MGAT5: variants seen among roughly 807,000 people sequenced by gnomAD.
MGAT5 encodes the protein alpha-1,6-mannosylglycoprotein 6-beta-N-acetylglucosaminyltransferase.
Under a neutral mutation model 94.3 loss-of-function variants are expected in MGAT5, and 30 were observed. The observed-to-expected ratio is 0.32, with a 90% CI of 0.24 to 0.43. The LOEUF (loss-of-function observed/expected upper bound fraction) is 0.43, where lower values mean the gene tolerates loss of function less well. Among genes scored for constraint, MGAT5 ranks in the 20% least tolerant of loss-of-function variants. MGAT5 has a pLI of 1.00. For synonymous variants in MGAT5, 310 were observed against 322.9 expected (o/e 0.96, Z 0.43); for missense variants, 691 against 905.5 (o/e 0.76, Z 3.04).
intron 10 of MGAT5, among the ~76,000 whole-genome samples, chr2:134,365,707 A>C (rs562233917): frequency 1.3e-5 from 2 of 152,202 alleles, no homozygotes; most frequent in East Asian, 3.9e-4. Flanking sequence ...TAGCTGCTGG[A>C]GTTTCTGGCA....
At chr2:134,230,946 T>C (rs966212733) in intron 1 of MGAT5, among the ~76,000 whole-genome samples, 12 of 152,224 alleles carry the variant, frequency 7.9e-5, no homozygotes, top group African/African-American at 2.9e-4. Context: ...CAATGGAATA[T>C]TGTTTGGCTG....
At chr2:134,350,706 T>C (rs1189155257) in intron 9 of MGAT5, among the ~76,000 whole-genome samples, 2 of 152,190 alleles carry the variant, frequency 1.3e-5, no homozygotes, top group Non-Finnish European at 2.9e-5. Context: ...AAAACCACAT[T>C]TGATAGTGTT....
At chr2:134,189,754 A>G (rs895395949) in intron 1 of MGAT5, among the ~76,000 whole-genome samples, 2 of 151,586 alleles carry the variant, frequency 1.3e-5, no homozygotes, top group African/African-American at 4.8e-5. Context: ...GGTGCCTGCC[A>G]GCATGCCCAG....
intron 1 of MGAT5, among the ~76,000 whole-genome samples, chr2:134,177,351 C>T (rs532057963): frequency 2.6e-5 from 4 of 152,154 alleles, no homozygotes; most frequent in Admixed American, 6.5e-5. Context: ...ACTGTCATTC[C>T]AGCCCACAGG....
chr2:134,355,209 A>G (rs1001814385), intron 9 of MGAT5, among the ~76,000 whole-genome samples: 16 of 152,230 alleles, frequency 1.1e-4, no homozygotes, highest in African/African-American at 3.9e-4. Flanking sequence ...AAAACAGGGA[A>G]AGACTTCCTC....
rs183672079 is a variant in MGAT5 at position 134,446,856 on chromosome 2, T to A, written c.2028-1793T>A. On this transcript the variant is annotated intron_variant, in intron 15 of 15. Transcript: ENST00000281923. ...GAGGGAGGCCTGAGCACCAGTGACA[T>A]GCTGAGTTCCAGAAGCAGTTGGGGC... Among the ~76,000 whole-genome samples the A allele has an allele frequency of 5.3e-5, 8 of 152,268 alleles. No individual in the cohort carries two copies. In the East Asian group the frequency reaches 1.5e-3, roughly 29 times the overall value.
intron 10 of MGAT5, among the ~76,000 whole-genome samples, chr2:134,387,313 TA>T (rs1682060671): frequency 9.3e-5 from 4 of 43,040 alleles, no homozygotes; most frequent in East Asian, 1.0e-3. Context: ...TATATATATA[TA>T]TATATATATA....
chr2:134,453,871 C>T lies in MGAT5; in HGVS notation c.*5024C>T, dbSNP rs575691081. The stretch of plus-strand genomic sequence containing the variant: ...TTGGGGGAGAGGATTTAGCCTCTTA[C>T]TTCCCTGATGGATTCAAAGTTTTAT... On this transcript the variant is annotated 3_prime_UTR_variant, in exon 16 of 16. Transcript: ENST00000281923. 1.3e-5 allele frequency: 2 copies of T among 152,350 alleles called. No homozygotes were observed. The highest frequency in any genetic ancestry group is 4.1e-4 in the South Asian group (2 of 4,828). The allele number at this position is 152,350 out of a possible 1,614,324, so 9.4% of individuals were successfully genotyped here. A position where few individuals can be genotyped will look rare whatever the true frequency, so the allele number is the denominator to read the frequency against.
At chr2:134,358,258 A>G (rs138802031) in intron 9 of MGAT5, among the ~76,000 whole-genome samples, 68 of 152,024 alleles carry the variant, frequency 4.5e-4, no homozygotes, top group South Asian at 1.0e-3. Context: ...CTATAATTCA[A>G]TATTTTGAGG....
At chr2:134,190,580 C>T (rs16830199) in intron 1 of MGAT5, among the ~76,000 whole-genome samples, 7,871 of 152,244 alleles carry the variant, frequency 0.052, 477 homozygotes, top group African/African-American at 0.13. Flanking sequence ...TGATTGGAGC[C>T]CAAGTGGCTG....
intron 15 of MGAT5, among the ~76,000 whole-genome samples, chr2:134,448,015 A>G (rs181666841): frequency 6.6e-6 from 1 of 152,376 alleles, no homozygotes; most frequent in Admixed American, 6.5e-5. Flanking sequence ...CTTCTGTCTG[A>G]TAGCTTTCCA....
intron 11 of MGAT5, among the ~76,000 whole-genome samples, chr2:134,412,330 A>G (rs1683718266): frequency 6.6e-6 from 1 of 152,172 alleles, no homozygotes; most frequent in Admixed American, 6.5e-5. Context: ...AAACCCCATT[A>G]TGAAAACCTG....
chr2:134,317,489 A>G, intron 2 of MGAT5, 40 bp from the exon 3 acceptor site: 1 of 1,412,372 alleles, frequency 7.1e-7, no homozygotes, highest in Non-Finnish European at 9.7e-7. Flanking sequence ...TGTGTTTTAT[A>G]GATCTCATTG....
At chr2:134,402,031 T>C (rs1558859999) in intron 10 of MGAT5, among the ~76,000 whole-genome samples, 1 of 152,170 alleles carries the variant, frequency 6.6e-6, no homozygotes, top group South Asian at 2.1e-4. Flanking sequence ...CCAGCTATTA[T>C]TAGATTTGCC....
At chr2:134,448,122 A>ACT (rs1685895242) in intron 15 of MGAT5, among the ~76,000 whole-genome samples, 1 of 152,138 alleles carries the variant, frequency 6.6e-6, no homozygotes, top group African/African-American at 2.4e-5. Context: ...GCTTTGCCCC[A>ACT]CTCTCACTTC....
chr2:134,431,464 G>A (rs1473558223), intron 14 of MGAT5, among the ~76,000 whole-genome samples: 2 of 152,176 alleles, frequency 1.3e-5, no homozygotes, highest in African/African-American at 4.8e-5. Context: ...AGACCCCATT[G>A]GTTCACAGAT....
At chr2:134,315,055 CTT>C (rs1686919591) in intron 2 of MGAT5, among the ~76,000 whole-genome samples, 1 of 152,178 alleles carries the variant, frequency 6.6e-6, no homozygotes, top group Admixed American at 6.5e-5. Flanking sequence ...TGACCCTTAA[CTT>C]TATTCTTTGA....
intron 1 of MGAT5, among the ~76,000 whole-genome samples, chr2:134,156,083 A>G (rs1004006257): frequency 6.6e-6 from 1 of 152,178 alleles, no homozygotes; most frequent in Non-Finnish European, 1.5e-5. Context: ...GACGTCCAGC[A>G]GCACACAACG....
chr2:134,340,415 A>G (rs190564678), intron 6 of MGAT5, among the ~76,000 whole-genome samples: 1 of 152,300 alleles, frequency 6.6e-6, no homozygotes, highest in Non-Finnish European at 1.5e-5. Flanking sequence ...GCCAGCTTGG[A>G]TAGCCTACCA....
Sources: gnomAD v4.1 joint callset for allele counts (sites outside exome capture counted in the v4.1 genomes callset) on GRCh38, gnomAD v4.1.1 for gene constraint, MANE v1.5 for transcripts, NCBI Gene and HGNC (gene_info 2026-07-23, HGNC 2026-07-21) for gene names.